The following HECW2 variants were observed in gnomAD, a reference collection of about 807,000 sequenced individuals.
HECW2 encodes E3 ubiquitin-protein ligase HECW2.
HECW2 carries 61 observed loss-of-function variants against 175.2 expected under a neutral mutation model. The observed-to-expected ratio is 0.35, with a 90% CI of 0.28 to 0.43. The LOEUF is 0.43. Ranked by LOEUF, HECW2 falls within the 20% of genes least tolerant of loss-of-function variation. The probability of loss-of-function intolerance (pLI) is 1.00; values close to 1 mark genes in which losing one functional copy is unlikely to be tolerated. For synonymous variants in HECW2, 671 were observed against 731.0 expected (o/e 0.92, Z 1.32); for missense variants, 1,524 against 2,000.5 (o/e 0.76, Z 4.54).
chr2:196,222,456 G>A, intron 23 of HECW2, 116 bp from the exon 24 acceptor site: 2 of 877,282 alleles, frequency 2.3e-6, no homozygotes, highest in African/African-American at 3.4e-5. Context: ...TACATAGGCA[G>A]TGATTTCTGG....
chr2:196,301,831 G>C (rs1691072711), intron 13 of HECW2, among the ~76,000 whole-genome samples: 1 of 151,728 alleles, frequency 6.6e-6, no homozygotes, highest in South Asian at 2.1e-4. Context: ...CATTCTGTAG[G>C]TTGTCTGTTC....
intron 2 of HECW2, among the ~76,000 whole-genome samples, chr2:196,424,276 C>G (rs1695484145): frequency 6.6e-6 from 1 of 152,060 alleles, no homozygotes; most frequent in Non-Finnish European, 1.5e-5. Context: ...CTTTCTCCCT[C>G]TCTTCAGCTG....
chr2:196,346,306 G>T lies in HECW2; in HGVS notation c.293-2542C>A, dbSNP rs140341490. Among the ~76,000 whole-genome samples the T allele has an allele frequency of 4.6e-5, 7 of 152,304 alleles. No homozygotes were observed. The East Asian group carries it at 1.3e-3, about 29-fold the overall frequency. On this transcript the variant is annotated intron_variant, in intron 2 of 28. Coordinates refer to ENST00000644978, the MANE Select transcript of HECW2 (RefSeq NM_001348768.2). ...ATTTTGGGAACATGGACCAGTGAGG[G>T]TCAAAAATTAGAATGGATGGGTAGG... is the stretch of plus-strand genomic sequence containing the variant.
intron 1 of HECW2, among the ~76,000 whole-genome samples, chr2:196,554,274 G>C (rs541444786): frequency 2.0e-5 from 3 of 151,932 alleles, no homozygotes; most frequent in Non-Finnish European, 4.4e-5. Context: ...TGCAGTGAGC[G>C]GAGATCGCGC....
intron 2 of HECW2, among the ~76,000 whole-genome samples, chr2:196,356,721 C>A (rs921920600): frequency 2.0e-5 from 3 of 152,184 alleles, no homozygotes; most frequent in Non-Finnish European, 4.4e-5. Context: ...GAGAGAGAGA[C>A]CACATTCACC....
chr2:196,566,374 A>G (rs942943122), intron 1 of HECW2, among the ~76,000 whole-genome samples: 14 of 151,980 alleles, frequency 9.2e-5, no homozygotes, highest in African/African-American at 3.4e-4. Flanking sequence ...TTTAAATAGT[A>G]GAATTTTTCT....
At chr2:196,589,823 C>T (rs1691120526) in intron 1 of HECW2, among the ~76,000 whole-genome samples, 1 of 152,192 alleles carries the variant, frequency 6.6e-6, no homozygotes, top group African/African-American at 2.4e-5. Context: ...TTAGTGTCAG[C>T]TCTAGATATA....
chr2:196,258,174 C>A (rs1689140050), intron 17 of HECW2: 2 of 435,092 alleles, frequency 4.6e-6, no homozygotes, highest in African/African-American at 4.0e-5. Context: ...TGCCCAAGTA[C>A]TATAAATAGT....
At chr2:196,442,869 G>A (rs1290066848) in intron 1 of HECW2, among the ~76,000 whole-genome samples, 1 of 152,074 alleles carries the variant, frequency 6.6e-6, no homozygotes, top group Non-Finnish European at 1.5e-5. Flanking sequence ...ATGAAAGGAT[G>A]GTTCCTACTA....
Position 196,248,597 on chromosome 2 carries a change from G to GACACAAACACAC in HECW2, c.3529+5322_3529+5323insGTGTGTTTGTGT, listed in dbSNP as rs1553636702. Among the ~76,000 whole-genome samples the GACACAAACACAC allele has an allele frequency of 2.6e-3, 377 of 144,032 alleles. 4 individuals are homozygous for GACACAAACACAC. The highest frequency in any genetic ancestry group is 0.022 in the Admixed American group (316 of 14,366). 94.5% of individuals were successfully genotyped at this position (144,032 alleles called of 152,430 possible). On this transcript the variant is annotated intron_variant, in intron 19 of 28. Coordinates refer to ENST00000644978, the MANE Select transcript of HECW2 (RefSeq NM_001348768.2). ...CAGATGAGAGAGAGAGAGACAGACA[G>GACACAAACACAC]ACACACACACACACACACACACACA...
intron 1 of HECW2, among the ~76,000 whole-genome samples, chr2:196,491,636 CAG>C (rs1029178759): frequency 6.0e-5 from 9 of 151,108 alleles, no homozygotes; most frequent in East Asian, 3.9e-4. Flanking sequence ...AATTAAAAAA[CAG>C]AAAGTTTAAG....
At chr2:196,579,412 A>T (rs1690684957) in intron 1 of HECW2, among the ~76,000 whole-genome samples, 1 of 152,150 alleles carries the variant, frequency 6.6e-6, no homozygotes, top group African/African-American at 2.4e-5. Flanking sequence ...ATGCTACTTG[A>T]TTATCAGTAA....
At chr2:196,448,487 G>A (rs796386314) in intron 1 of HECW2, among the ~76,000 whole-genome samples, 1 of 152,104 alleles carries the variant, frequency 6.6e-6, no homozygotes, top group Non-Finnish European at 1.5e-5. Context: ...TATATCATAT[G>A]GAACCCAGGT....
chr2:196,296,361 AATC>A (rs1690815244), intron 13 of HECW2, among the ~76,000 whole-genome samples: 1 of 152,200 alleles, frequency 6.6e-6, no homozygotes, highest in Admixed American at 6.5e-5. Flanking sequence ...GTGAGATTCA[AATC>A]CAGTGGGACA....
intron 9 of HECW2, among the ~76,000 whole-genome samples, 159 bp from the exon 10 acceptor site, chr2:196,317,528 A>G (rs1188676712): frequency 2.0e-5 from 3 of 152,258 alleles, no homozygotes; most frequent in African/African-American, 7.2e-5. Flanking sequence ...AGAGAATAGG[A>G]GGTGAATGCT....
At chr2:196,282,251 C>A (rs1037061896) in intron 14 of HECW2, among the ~76,000 whole-genome samples, 1 of 152,180 alleles carries the variant, frequency 6.6e-6, no homozygotes, top group Admixed American at 6.5e-5. Flanking sequence ...GATGATCCTT[C>A]GTTCTGTCCT....
At chr2:196,277,462 A>G (rs904603410) in intron 15 of HECW2, among the ~76,000 whole-genome samples, 2 of 152,236 alleles carry the variant, frequency 1.3e-5, no homozygotes, top group Admixed American at 6.5e-5. Flanking sequence ...CAATCATTAA[A>G]AAGTCAGGAG....
intron 1 of HECW2, among the ~76,000 whole-genome samples, chr2:196,513,230 A>G (rs1038340532): frequency 6.6e-6 from 1 of 152,216 alleles, no homozygotes; most frequent in Admixed American, 6.5e-5. Context: ...TAGTAATTTC[A>G]TCTTTCACAA....
chr2:196,522,888 G>A (rs566364710), intron 1 of HECW2, among the ~76,000 whole-genome samples: 2 of 152,320 alleles, frequency 1.3e-5, no homozygotes, highest in South Asian at 2.1e-4. Context: ...TAGCCTTGTA[G>A]TATAGTTTGA....
Sources: allele counts gnomAD v4.1 joint callset (sites outside exome capture counted in the v4.1 genomes callset), GRCh38; gene constraint gnomAD v4.1.1; transcripts MANE v1.5; gene names NCBI Gene and HGNC (gene_info 2026-07-23, HGNC 2026-07-21).